Variants in ZC3H11A observed in about 807,000 individuals in gnomAD.
ZC3H11A encodes zinc finger CCCH-type containing 11A.
Under a neutral mutation model 90.8 loss-of-function variants are expected in ZC3H11A, and 22 were observed. The observed-to-expected ratio is 0.24, with a 90% CI of 0.17 to 0.35. The LOEUF is 0.35. Ranked by LOEUF, ZC3H11A falls within the 10% of genes least tolerant of loss-of-function variation. The pLI, the probability that ZC3H11A is intolerant of heterozygous loss-of-function variation, is 1.00. For synonymous variants in ZC3H11A, 294 were observed against 339.8 expected (o/e 0.87, Z 1.48); for missense variants, 701 against 964.9 (o/e 0.73, Z 3.62).
intron 10 of ZC3H11A, chr1:203,834,185 G>C: frequency 1.6e-6 from 1 of 619,146 alleles, no homozygotes; most frequent in Non-Finnish European, 2.1e-6. Context: ...TATAATGTGT[G>C]TCTCTTAGAA....
intron 2 of ZC3H11A, chr1:203,806,023 G>A: frequency 1.8e-6 from 1 of 548,122 alleles, no homozygotes; most frequent in Non-Finnish European, 3.5e-6. Flanking sequence ...TGACTCTTGG[G>A]TGCGATTGTC....
Position 203,847,346 on chromosome 1 carries a change from G to A in ZC3H11A, c.1205G>A (p.Arg402His), listed in dbSNP as rs181350536. The part of the protein sequence containing the change: ...TSGARSSSTI[R>H]IKTFSEVLAE... Reference sequence around the variant, plus strand: ...GGAGCAAGAAGCTCCTCCACTATCCGTATCAAAACCTTCTCTGAGGTCCTG... The same window carrying A: ...GGAGCAAGAAGCTCCTCCACTATCCATATCAAAACCTTCTCTGAGGTCCTG... Residue 402 changes from arginine to histidine, a missense_variant, in exon 13 of 18, where the codon CGT becomes CAT. Physicochemically the swap from Arg to His is conservative, Grantham distance 29. Coordinates refer to ENST00000367210, the MANE Select transcript of ZC3H11A (RefSeq NM_001376342.1). The A allele has an allele frequency of 1.5e-5, 24 of 1,613,790 alleles. No individual in the cohort carries two copies. Among genetic ancestry groups the A allele is most frequent in the South Asian group, 1.1e-4 (10 of 91,068 alleles).
At chr1:203,818,487 A>G in intron 3 of ZC3H11A, 83 bp from the exon 4 acceptor site, 1 of 1,580,520 alleles carries the variant, frequency 6.3e-7, no homozygotes, top group Admixed American at 1.7e-5. Flanking sequence ...GTGCTTGTCT[A>G]AATTCCAGGA....
Position 203,851,059 on chromosome 1 carries a change from T to C in ZC3H11A, c.2109T>C (p.Ala703=). 1 of 1,614,158 alleles carries C rather than the reference T, an allele frequency of 6.2e-7. No individual in the cohort carries two copies. Among genetic ancestry groups the C allele is most frequent in the South Asian group, 1.1e-5 (1 of 91,084 alleles). The change falls in exon 17 of 18, where the codon GCT becomes GCC. Residue 703 remains alanine (A), a splice_region_variant and synonymous_variant. Coordinates refer to ENST00000367210, the MANE Select transcript of ZC3H11A (RefSeq NM_001376342.1). ...QEPPAKKAAV[A]VVPLVSEDKS... ...TTACCTGACTCTTCCTTTTGTAGGC[T>C]GTTGTCCCGCTTGTCTCTGAGGACA...
At chr1:203,845,027 T>C (rs1687506520) in intron 12 of ZC3H11A, among the ~76,000 whole-genome samples, 1 of 152,122 alleles carries the variant, frequency 6.6e-6, no homozygotes, top group Admixed American at 6.5e-5. Context: ...AATGGTTATG[T>C]CAGATCCCAC....
chr1:203,803,246 C>T (rs1671070252), intron 2 of ZC3H11A, among the ~76,000 whole-genome samples: 1 of 152,062 alleles, frequency 6.6e-6, no homozygotes, highest in South Asian at 2.1e-4. Flanking sequence ...GGCTGGAGTG[C>T]AATGGTGCCA....
chr1:203,834,907 G>A (rs1683763571), intron 10 of ZC3H11A, among the ~76,000 whole-genome samples: 1 of 152,224 alleles, frequency 6.6e-6, no homozygotes, highest in Non-Finnish European at 1.5e-5. Context: ...GCCTCCCAAA[G>A]TGCTGGGATT....
Position 203,831,675 on chromosome 1 carries a change from G to C in ZC3H11A, c.715G>C (p.Val239Leu), listed in dbSNP as rs1682430454. The C allele has an allele frequency of 6.2e-7, 1 of 1,612,344 alleles. No homozygotes were observed. Among genetic ancestry groups the C allele is most frequent in the Non-Finnish European group, 8.5e-7 (1 of 1,179,326 alleles). ...SKKQGEGSSG[V>L]SSLLLHPEPV... ...GCCTTATTCAGAGGGTTCTTCAGGAGTTTCCAGTCTTTTACTCCACCCTGA... is the reference window on the plus strand; with the variant it reads ...GCCTTATTCAGAGGGTTCTTCAGGACTTTCCAGTCTTTTACTCCACCCTGA... The change falls in exon 9 of 18, where the codon GTT becomes CTT. Residue 239 changes from valine (V) to leucine (L), a missense_variant. By Grantham distance (32) the Val-to-Leu change is conservative. Around this residue, in one of 4 missense-constraint regions of ZC3H11A, gnomAD observed 530 missense variants for 696.2 expected, o/e 0.76. Transcript: ENST00000367210.
At chr1:203,811,826 T>C (rs1054886583) in intron 2 of ZC3H11A, among the ~76,000 whole-genome samples, 64 of 151,616 alleles carry the variant, frequency 4.2e-4, no homozygotes, top group Non-Finnish European at 6.9e-4. Context: ...CTTTTTCTTT[T>C]TTTTTTTTTT....
At chr1:203,851,744 C>G (rs1308635366) in intron 17 of ZC3H11A, among the ~76,000 whole-genome samples, 1 of 152,016 alleles carries the variant, frequency 6.6e-6, no homozygotes, top group Non-Finnish European at 1.5e-5. Context: ...TGGAGAATCA[C>G]TTGAGCTCAG....
At chr1:203,820,135 T>C (rs1678022999) in intron 4 of ZC3H11A, among the ~76,000 whole-genome samples, 1 of 150,728 alleles carries the variant, frequency 6.6e-6, no homozygotes, top group African/African-American at 2.4e-5. Flanking sequence ...TTCAGGAGGC[T>C]GAAGCAGGAG....
chr1:203,808,139 A>G (rs1488079938), intron 2 of ZC3H11A, among the ~76,000 whole-genome samples: 2 of 152,176 alleles, frequency 1.3e-5, no homozygotes, highest in Admixed American at 6.5e-5. Context: ...GTATAAGTAC[A>G]TAGGTGATAT....
chr1:203,841,639 A>G (rs1372963892), intron 12 of ZC3H11A, among the ~76,000 whole-genome samples: 5 of 152,040 alleles, frequency 3.3e-5, no homozygotes, highest in Admixed American at 3.3e-4. Flanking sequence ...CGCCTTTGTC[A>G]TCATGGCCCG....
chr1:203,822,951 A>C (rs1679264263), intron 4 of ZC3H11A, among the ~76,000 whole-genome samples: 1 of 151,982 alleles, frequency 6.6e-6, no homozygotes, highest in African/African-American at 2.4e-5. Context: ...GGGGTCAGCT[A>C]CTCCAGTCTG....
chr1:203,846,353 A>G (rs1445629125), intron 12 of ZC3H11A, among the ~76,000 whole-genome samples: 4 of 152,126 alleles, frequency 2.6e-5, no homozygotes, highest in African/African-American at 7.2e-5. Flanking sequence ...CGATTAATGT[A>G]TCATTGAAAA....
intron 12 of ZC3H11A, 136 bp from the exon 13 acceptor site, chr1:203,847,048 A>T: frequency 1.1e-6 from 1 of 922,728 alleles, no homozygotes; most frequent in Non-Finnish European, 1.7e-6. Context: ...AATAAATGTT[A>T]CCCTTTTGAT....
At chr1:203,828,264 T>TG (rs1465809888) in intron 4 of ZC3H11A, 35 bp from the exon 5 acceptor site, 1 of 1,613,150 alleles carries the variant, frequency 6.2e-7, no homozygotes, top group South Asian at 1.1e-5. Context: ...GTATCACTGT[T>TG]TTATTTGAAA....
At chr1:203,835,075 A>G (rs778189316) in intron 10 of ZC3H11A, among the ~76,000 whole-genome samples, 70 of 152,260 alleles carry the variant, frequency 4.6e-4, no homozygotes, top group Non-Finnish European at 9.0e-4. Flanking sequence ...CCCTATCTTC[A>G]GAACCGTTCT....
chr1:203,809,702 C>G (rs1249303070), intron 2 of ZC3H11A, among the ~76,000 whole-genome samples: 2 of 152,072 alleles, frequency 1.3e-5, no homozygotes, highest in East Asian at 3.9e-4. Flanking sequence ...GGCTGTAATC[C>G]TAGCACTTTG....
Sources: gnomAD v4.1 joint callset for allele counts (sites outside exome capture counted in the v4.1 genomes callset) on GRCh38, gnomAD v4.1.1 for gene constraint, gnomAD v4.1.1 regional missense constraint, MANE v1.5 for transcripts, NCBI Gene and HGNC (gene_info 2026-07-23, HGNC 2026-07-21) for gene names.